The following PRKCE variants were observed in gnomAD, a reference collection of about 807,000 sequenced individuals.
The protein encoded by PRKCE is protein kinase C epsilon type.
A neutral mutation model predicts 85.4 loss-of-function variants in PRKCE; 16 were observed. The observed-to-expected ratio is 0.19, with a 90% confidence interval of 0.13 to 0.28. PRKCE has a LOEUF of 0.28. PRKCE is among the 10% of genes least tolerant of loss of function. PRKCE has a pLI of 1.00. For missense variants in PRKCE, 573 were observed against 975.2 expected (o/e 0.59, Z 5.49); for synonymous variants, 388 against 371.5 (o/e 1.04, Z -0.51).
intron 10 of PRKCE, among the ~76,000 whole-genome samples, chr2:46,038,523 A>G (rs1170765913): frequency 6.6e-6 from 1 of 152,190 alleles, no homozygotes; most frequent in East Asian, 1.9e-4. Flanking sequence ...AACTGGCTTC[A>G]GAAGAGGCTC....
intron 2 of PRKCE, among the ~76,000 whole-genome samples, chr2:45,884,339 T>C (rs1311263752): frequency 6.6e-6 from 1 of 152,220 alleles, no homozygotes; most frequent in African/African-American, 2.4e-5. Context: ...TCCCTTTTAT[T>C]GCTGGGTAAA....
chr2:45,762,337 T>C (rs1320681992), intron 1 of PRKCE, among the ~76,000 whole-genome samples: 1 of 152,130 alleles, frequency 6.6e-6, no homozygotes, highest in East Asian at 1.9e-4. Flanking sequence ...ACCAACTGAG[T>C]AATACTCAAA....
intron 10 of PRKCE, among the ~76,000 whole-genome samples, chr2:46,014,016 C>T (rs1283518195): frequency 1.3e-5 from 2 of 152,230 alleles, no homozygotes; most frequent in African/African-American, 4.8e-5. Context: ...GAAGGGCCAA[C>T]TTACAGCTGA....
rs201134842 is a variant in PRKCE, at chr2:45,884,999, A to G, written c.412+41936A>G. Among the ~76,000 whole-genome samples, 558 of 63,262 alleles carry G rather than the reference A, an allele frequency of 8.8e-3. 31 individuals carry two copies. The highest frequency in any genetic ancestry group is 0.033 in the South Asian group (59 of 1,814). 41.5% of individuals were successfully genotyped at this position (63,262 alleles called of 152,430 possible). A position where few individuals can be genotyped will look rare whatever the true frequency, so the allele number is the denominator to read the frequency against. ...TATATATATATATATATATATATATATATTTGTTGTTGTTGTTGTTGTTTT... is the reference window on the plus strand; with the variant it reads ...TATATATATATATATATATATATATGTATTTGTTGTTGTTGTTGTTGTTTT... On this transcript the variant is annotated intron_variant, in intron 2 of 14. Transcript: ENST00000306156.
rs568374143 is a variant in PRKCE at position 46,157,334 on chromosome 2, C to T, written c.1921-2272C>T. 7.3e-4 allele frequency among the ~76,000 whole-genome samples: 111 copies of T among 152,322 alleles called. 1 individual carries two copies. Among genetic ancestry groups the T allele is most frequent in the African/African-American group, 2.6e-3 (107 of 41,566 alleles). ...CACCTCCCTGTGAGTCCCCTGCCAG[C>T]ATACCAGCTGAGCCCTTTTATTTTG... On this transcript the variant is annotated intron_variant, in intron 13 of 14. Coordinates refer to ENST00000306156, the MANE Select transcript of PRKCE (RefSeq NM_005400.3).
intron 10 of PRKCE, among the ~76,000 whole-genome samples, chr2:46,059,285 C>A (rs1666893441): frequency 6.6e-6 from 1 of 152,048 alleles, no homozygotes; most frequent in African/African-American, 2.4e-5. Flanking sequence ...GAGACCTCAA[C>A]CCTTGACCCT....
intron 1 of PRKCE, among the ~76,000 whole-genome samples, chr2:45,838,081 C>G (rs1278162522): frequency 2.6e-5 from 4 of 152,212 alleles, no homozygotes; most frequent in Non-Finnish European, 5.9e-5. Context: ...GAGAGGCACT[C>G]TCATTGCTGC....
chr2:45,987,549 A>G (rs1362548233), intron 6 of PRKCE, among the ~76,000 whole-genome samples: 1 of 152,198 alleles, frequency 6.6e-6, no homozygotes, highest in Non-Finnish European at 1.5e-5. Context: ...AATTGAGCAG[A>G]AAGTACAGAG....
chr2:45,661,508 TTTGTTTTG>T (rs1423299917), intron 1 of PRKCE, among the ~76,000 whole-genome samples: 1 of 142,730 alleles, frequency 7.0e-6, no homozygotes, highest in African/African-American at 2.7e-5. Context: ...TTTTTTTTGT[TTTGTTTTG>T]TTTTTTGTTT....
chr2:46,125,947 G>C (rs187740782), intron 11 of PRKCE, among the ~76,000 whole-genome samples: 24 of 152,298 alleles, frequency 1.6e-4, no homozygotes, highest in African/African-American at 5.8e-4. Flanking sequence ...TTTAAGACAA[G>C]TTAATCTGCT....
chr2:45,686,331 T>G (rs115453330), intron 1 of PRKCE: 1 of 152,246 alleles, frequency 6.6e-6, no homozygotes, highest in African/African-American at 2.4e-5. Flanking sequence ...ACATGGGGCT[T>G]AGGGGGTCAT....
chr2:45,949,402 G>GTTTTTTTTTTTTTTTTTGTTTT (rs35033431), intron 2 of PRKCE, among the ~76,000 whole-genome samples: 1 of 118,738 alleles, frequency 8.4e-6, no homozygotes. Flanking sequence ...TATTTTGCTT[G>GTTTTTTTTTTTTTTTTTGTTTT]TTTTTTTTTT....
chr2:45,695,676 G>T (rs1268422291), intron 1 of PRKCE, among the ~76,000 whole-genome samples: 1 of 152,206 alleles, frequency 6.6e-6, no homozygotes, highest in Non-Finnish European at 1.5e-5. Context: ...AGGAGGCTGA[G>T]GCAGGAGAAT....
chr2:46,036,769 C>T (rs148075476), intron 10 of PRKCE, among the ~76,000 whole-genome samples: 3 of 152,240 alleles, frequency 2.0e-5, no homozygotes, highest in South Asian at 4.2e-4. Context: ...GCAAGCCCGG[C>T]GGACACTTGA....
At chr2:45,961,915 G>C (rs769275946) in intron 2 of PRKCE, among the ~76,000 whole-genome samples, 1 of 152,190 alleles carries the variant, frequency 6.6e-6, no homozygotes, top group Middle Eastern at 3.4e-3. Flanking sequence ...GGCTGGTCTC[G>C]AAATCCCGAC....
At chr2:45,818,301 A>G (rs1020069239) in intron 1 of PRKCE, among the ~76,000 whole-genome samples, 1 of 152,208 alleles carries the variant, frequency 6.6e-6, no homozygotes, top group Non-Finnish European at 1.5e-5. Flanking sequence ...GTAGATTTCT[A>G]TCTTTTTTGG....
intron 11 of PRKCE, among the ~76,000 whole-genome samples, chr2:46,136,462 G>A (rs1328767232): frequency 6.6e-6 from 1 of 152,166 alleles, no homozygotes; most frequent in East Asian, 1.9e-4. Context: ...AGATGAGATA[G>A]CTGAGGTGCA....
chr2:46,037,305 A>G (rs1451262629), intron 10 of PRKCE, among the ~76,000 whole-genome samples: 3 of 152,232 alleles, frequency 2.0e-5, no homozygotes, highest in Admixed American at 6.5e-5. Context: ...GGCGCTGAAG[A>G]TAAGGATCCC....
intron 1 of PRKCE, among the ~76,000 whole-genome samples, chr2:45,735,332 A>G (rs1161387887): frequency 6.6e-6 from 1 of 152,248 alleles, no homozygotes; most frequent in African/African-American, 2.4e-5. Flanking sequence ...ATGAACAAAT[A>G]TATCTCGGAA....
Sources: allele counts gnomAD v4.1 joint callset (sites outside exome capture counted in the v4.1 genomes callset), GRCh38; gene constraint gnomAD v4.1.1; transcripts MANE v1.5; gene names NCBI Gene and HGNC (gene_info 2026-07-23, HGNC 2026-07-21).